RNF5: variants seen among roughly 807,000 people sequenced by gnomAD.
RNF5 encodes ring finger protein 5.
In RNF5, 16 loss-of-function variants were observed where a neutral mutation model predicts 24.4. The ratio of observed to expected loss-of-function variants is 0.66; its 90% CI spans 0.44 to 1.00. RNF5 has a LOEUF of 1.00. Among genes scored for constraint, RNF5 ranks in the 50% least tolerant of loss-of-function variants. The probability of loss-of-function intolerance (pLI) is 0.00; values close to 1 mark genes in which losing one functional copy is unlikely to be tolerated. For synonymous variants in RNF5, 64 were observed against 88.5 expected (o/e 0.72, Z 1.55); for missense variants, 185 against 236.7 (o/e 0.78, Z 1.43).
Position 32,179,684 on chromosome 6 carries a change from C to T in RNF5, c.193C>T (p.Pro65Ser). 1.2e-6 allele frequency: 2 copies of T among 1,614,096 alleles called. No homozygotes were observed. Among genetic ancestry groups the T allele is most frequent in the Non-Finnish European group, 1.7e-6 (2 of 1,180,018 alleles). ...GACACGGCCAGAACGGCAAGAGTGTCCAGTATGTAAAGCTGGGATCAGCAG... is the reference window on the plus strand; with the variant it reads ...GACACGGCCAGAACGGCAAGAGTGTTCAGTATGTAAAGCTGGGATCAGCAG... Reference protein sequence around the residue: ...LETRPERQECPVCKAGISREK... With the variant: ...LETRPERQECSVCKAGISREK... The change falls in exon 3 of 6, where the codon CCA (proline) becomes TCA (serine). Residue 65 changes from proline to serine, a missense_variant. Coordinates refer to ENST00000375094, the MANE Select transcript of RNF5 (RefSeq NM_006913.4). The surrounding 1 kb of genome is among the most constrained non-coding windows in gnomAD (Gnocchi z 5.4).
At position 32,179,519 on chromosome 6, in the gene RNF5, T is replaced by C. The variant is rs1217044040; in HGVS notation, c.141-22T>C. The C allele has an allele frequency of 1.2e-6, 2 of 1,613,212 alleles. No individual in the cohort carries two copies. Among genetic ancestry groups the C allele is most frequent in the Admixed American group, 1.7e-5 (1 of 59,984 alleles). On this transcript the variant is annotated intron_variant, in intron 1 of 5. Coordinates refer to ENST00000375094, the MANE Select transcript of RNF5 (RefSeq NM_006913.4). This position sits in a 1 kb window ranked among gnomAD's most constrained non-coding sequence, Gnocchi z 5.4. ...TTTTCTGTAGCTAGTTTGACCTTTT[T>C]TTTTTTTTCTCCCCCATCCAGTTGG...
Position 32,179,963 on chromosome 6 carries a change from T to G in RNF5, c.327+32T>G. 1 of 1,614,228 alleles carries G rather than the reference T, an allele frequency of 6.2e-7. No individual in the cohort carries two copies. Among genetic ancestry groups the G allele is most frequent in the Non-Finnish European group, 8.5e-7 (1 of 1,180,028 alleles). ...CTTCTTGTCCAGTTGTGTCCCTTCC[T>G]TGACAGATTTGCCGGCTTCCTGTCT... On this transcript the variant is annotated intron_variant, in intron 4 of 5. Coordinates refer to ENST00000375094, the MANE Select transcript of RNF5 (RefSeq NM_006913.4). The surrounding 1 kb of genome is among the most constrained non-coding windows in gnomAD (Gnocchi z 5.4).
chr6:32,179,729 T>C lies in RNF5; in HGVS notation c.238T>C (p.Tyr80His). The C allele has an allele frequency of 1.2e-6, 2 of 1,614,178 alleles. No homozygotes were observed. The highest frequency in any genetic ancestry group is 1.7e-6 in the Non-Finnish European group (2 of 1,180,010). ...CAGCAGAGAGAAGGTTGTCCCGCTT[T>C]ATGGGCGAGGGAGCCAGAAGCCCCA... is the stretch of plus-strand genomic sequence containing the variant. The part of the protein sequence containing the change: ...GISREKVVPL[Y>H]GRGSQKPQDP... Residue 80 changes from tyrosine (Y) to histidine (H), a missense_variant, in exon 3 of 6, where the codon TAT becomes CAT. Physicochemically the swap from Tyr to His is moderately conservative, Grantham distance 83. Coordinates refer to ENST00000375094, the MANE Select transcript of RNF5 (RefSeq NM_006913.4). The surrounding 1 kb of genome is among the most constrained non-coding windows in gnomAD (Gnocchi z 5.4).
chr6:32,179,833 G>C lies in RNF5; in HGVS notation c.273-44G>C. ...CCCTTGGAAAACGGTGTGGAAGATG[G>C]GAGGAGAAAAATCCCTGTTAACTTT... On this transcript the variant is annotated intron_variant, in intron 3 of 5. Coordinates refer to ENST00000375094, the MANE Select transcript of RNF5 (RefSeq NM_006913.4). The surrounding 1 kb of genome is among the most constrained non-coding windows in gnomAD (Gnocchi z 5.4). 1 of 1,613,628 alleles carries C rather than the reference G, an allele frequency of 6.2e-7. No homozygotes were observed.
Position 32,179,032 on chromosome 6 carries a change from A to C in RNF5, c.140+381A>C, listed in dbSNP as rs1159102492. On this transcript the variant is annotated intron_variant, in intron 1 of 5. Transcript: ENST00000375094. This position sits in a 1 kb window ranked among gnomAD's most constrained non-coding sequence, Gnocchi z 5.4. ...CAGTTGAGTCGGGGAGAACCAGGAA[A>C]TATGGATCACATTCAGATGAGATCT... 6.6e-6 allele frequency among the ~76,000 whole-genome samples: 1 copy of C among 152,146 alleles called. No individual in the cohort carries two copies. The highest frequency in any genetic ancestry group is 1.5e-5 in the Non-Finnish European group (1 of 68,022).
chr6:32,180,527 C>T lies in RNF5; in HGVS notation c.*201C>T, dbSNP rs1275308470. The T allele has an allele frequency of 3.4e-6, 2 of 586,442 alleles. No homozygotes were observed. Among genetic ancestry groups the T allele is most frequent in the African/African-American group, 1.9e-5 (1 of 53,624 alleles). 36.3% of individuals were successfully genotyped at this position (586,442 alleles called of 1,614,324 possible). On this transcript the variant is annotated 3_prime_UTR_variant, in exon 6 of 6. Coordinates refer to ENST00000375094, the MANE Select transcript of RNF5 (RefSeq NM_006913.4). ...AGAGCCTTCTGCTCAGAGGCTCACT[C>T]AGTAACGTTGTTTAATTCTCTGCCC... is the stretch of plus-strand genomic sequence containing the variant.
rs1415592035 is a variant in RNF5 at position 32,179,156 on chromosome 6, G to A, written c.141-385G>A. Among the ~76,000 whole-genome samples, 1 of 152,124 alleles carries A rather than the reference G, an allele frequency of 6.6e-6. No individual in the cohort carries two copies. Among genetic ancestry groups the A allele is most frequent in the Non-Finnish European group, 1.5e-5 (1 of 68,040 alleles). The stretch of plus-strand genomic sequence containing the variant: ...TATTGAGCTTGAAAGTGAGTAATGG[G>A]GGAATGTGCTAGTAAAGGGGTTTGG... On this transcript the variant is annotated intron_variant, in intron 1 of 5. Coordinates refer to ENST00000375094, the MANE Select transcript of RNF5 (RefSeq NM_006913.4). This position sits in a 1 kb window ranked among gnomAD's most constrained non-coding sequence, Gnocchi z 5.4.
In RNF5 at chr6:32,179,844, A is replaced by G; in HGVS notation, c.273-33A>G. ...CGGTGTGGAAGATGGGAGGAGAAAA[A>G]TCCCTGTTAACTTTCTCTCTCCACT... On this transcript the variant is annotated intron_variant, in intron 3 of 5. Coordinates refer to ENST00000375094, the MANE Select transcript of RNF5 (RefSeq NM_006913.4). This position sits in a 1 kb window ranked among gnomAD's most constrained non-coding sequence, Gnocchi z 5.4. The G allele has an allele frequency of 6.2e-7, 1 of 1,613,864 alleles. No homozygotes were observed. Among genetic ancestry groups the G allele is most frequent in the Non-Finnish European group, 8.5e-7 (1 of 1,179,870 alleles).
intron 1 of RNF5, among the ~76,000 whole-genome samples, chr6:32,178,915 T>C (rs1015849483): frequency 1.4e-4 from 21 of 151,910 alleles, no homozygotes; most frequent in Non-Finnish European, 2.2e-4. Context: ...CAGGACAATG[T>C]GAGACCCGAG....
Position 32,179,786 on chromosome 6 carries a change from T to C in RNF5, c.272+23T>C. The C allele has an allele frequency of 1.2e-6, 2 of 1,613,380 alleles. No individual in the cohort carries two copies. The highest frequency in any genetic ancestry group is 1.3e-5 in the African/African-American group (1 of 74,998). On this transcript the variant is annotated intron_variant, in intron 3 of 5. Transcript: ENST00000375094. This position sits in a 1 kb window ranked among gnomAD's most constrained non-coding sequence, Gnocchi z 5.4. ...CAGGTGAGAGACTGGAGGTGTTGCT[T>C]AGGGAAGATTGAAGGCTTCTGCCCT...
Position 32,178,406 on chromosome 6 carries a change from A to C in RNF5, c.-106A>C. 1 of 942,870 alleles carries C rather than the reference A, an allele frequency of 1.1e-6. No homozygotes were observed. Among genetic ancestry groups the C allele is most frequent in the Non-Finnish European group, 1.5e-6 (1 of 647,186 alleles). 58.4% of individuals were successfully genotyped at this position (942,870 alleles called of 1,614,324 possible). A position where few individuals can be genotyped will look rare whatever the true frequency, so the allele number is the denominator to read the frequency against. On this transcript the variant is annotated 5_prime_UTR_variant, in exon 1 of 6. Coordinates refer to ENST00000375094, the MANE Select transcript of RNF5 (RefSeq NM_006913.4). ...GACCAATAGTGATTAGGAAACCTTG[A>C]AGCCTGCCCAACGATCGTGGGCAGG...
chr6:32,178,718 A>G (rs1785815156), intron 1 of RNF5, 67 bp downstream of exon 1: 3 of 1,486,384 alleles, frequency 2.0e-6, no homozygotes, highest in South Asian at 2.3e-5. Context: ...CTAGGAGCGA[A>G]TAATCATACA....
At position 32,179,280 on chromosome 6, in the gene RNF5, A is replaced by G. The variant is rs1785866533; in HGVS notation, c.141-261A>G. ...TGAAAGGCAGAAAAGAGAGGGCACG[A>G]AAATTTGTATGTGTTTGTTGGGGAG... On this transcript the variant is annotated intron_variant, in intron 1 of 5. Transcript: ENST00000375094. The surrounding 1 kb of genome is among the most constrained non-coding windows in gnomAD (Gnocchi z 5.4). Among the ~76,000 whole-genome samples, 1 of 152,114 alleles carries G rather than the reference A, an allele frequency of 6.6e-6. No individual in the cohort carries two copies. Among genetic ancestry groups the G allele is most frequent in the Non-Finnish European group, 1.5e-5 (1 of 68,016 alleles).
chr6:32,178,410 C>T lies in RNF5; in HGVS notation c.-102C>T. 6.0e-6 allele frequency: 6 copies of T among 995,158 alleles called. No individual in the cohort carries two copies. Among genetic ancestry groups the T allele is most frequent in the Non-Finnish European group, 8.7e-6 (6 of 693,274 alleles). 61.6% of individuals were successfully genotyped at this position (995,158 alleles called of 1,614,324 possible). On this transcript the variant is annotated 5_prime_UTR_variant, in exon 1 of 6. Coordinates refer to ENST00000375094, the MANE Select transcript of RNF5 (RefSeq NM_006913.4). ...AATAGTGATTAGGAAACCTTGAAGC[C>T]TGCCCAACGATCGTGGGCAGGAGGT... is the stretch of plus-strand genomic sequence containing the variant.
Position 32,179,483 on chromosome 6 carries a change from C to T in RNF5, c.141-58C>T. ...GATGGGATTCTGCGAAGTCTAGGGT[C>T]TGTGTCTCTCTTTTCTGTAGCTAGT... is the stretch of plus-strand genomic sequence containing the variant. On this transcript the variant is annotated intron_variant, in intron 1 of 5. Transcript: ENST00000375094. The surrounding 1 kb of genome is among the most constrained non-coding windows in gnomAD (Gnocchi z 5.4). 6.2e-7 allele frequency: 1 copy of T among 1,606,590 alleles called. No individual in the cohort carries two copies. Among genetic ancestry groups the T allele is most frequent in the Non-Finnish European group, 8.5e-7 (1 of 1,174,680 alleles).
In RNF5 at chr6:32,179,368, ACAAG is replaced by A. The variant is rs1473010971; in HGVS notation, c.141-170_141-167del. On this transcript the variant is annotated intron_variant, in intron 1 of 5. Transcript: ENST00000375094. This position sits in a 1 kb window ranked among gnomAD's most constrained non-coding sequence, Gnocchi z 5.4. ...AGAGCTTTAGGTGTTGGAAGATCAG[ACAAG>A]CAGGAAGGCTAACTAAGTTGGCTGG... Among the ~76,000 whole-genome samples, 1 of 152,154 alleles carries A rather than the reference ACAAG, an allele frequency of 6.6e-6. No homozygotes were observed. The highest frequency in any genetic ancestry group is 1.5e-5 in the Non-Finnish European group (1 of 68,040).
Position 32,179,609 on chromosome 6 carries a change from A to G in RNF5, c.160-42A>G, listed in dbSNP as rs759344162. 18 of 1,613,596 alleles carry G rather than the reference A, an allele frequency of 1.1e-5. No homozygotes were observed. The highest frequency in any genetic ancestry group is 1.5e-5 in the Non-Finnish European group (18 of 1,179,652). On this transcript the variant is annotated intron_variant, in intron 2 of 5. Transcript: ENST00000375094. The surrounding 1 kb of genome is among the most constrained non-coding windows in gnomAD (Gnocchi z 5.4). ...GAAATGGGGAGGTCTGAGGAGCTGT[A>G]AGACCCTCTTGTATACTGGAAACCA...
In RNF5 at chr6:32,179,623, T is replaced by C; in HGVS notation, c.160-28T>C. Reference sequence around the variant, plus strand: ...TGAGGAGCTGTAAGACCCTCTTGTATACTGGAAACCACCTTTTTTCTCCCC... The same window carrying C: ...TGAGGAGCTGTAAGACCCTCTTGTACACTGGAAACCACCTTTTTTCTCCCC... On this transcript the variant is annotated intron_variant, in intron 2 of 5. Transcript: ENST00000375094. The surrounding 1 kb of genome is among the most constrained non-coding windows in gnomAD (Gnocchi z 5.4). 6.2e-7 allele frequency: 1 copy of C among 1,613,912 alleles called. No homozygotes were observed. The highest frequency in any genetic ancestry group is 8.5e-7 in the Non-Finnish European group (1 of 1,179,898).
rs1189984000 is a variant in RNF5, at chr6:32,180,057, G to A, written c.376G>A (p.Val126Ile). 1 of 1,614,188 alleles carries A rather than the reference G, an allele frequency of 6.2e-7. No individual in the cohort carries two copies. Among genetic ancestry groups the A allele is most frequent in the Non-Finnish European group, 8.5e-7 (1 of 1,180,030 alleles). The change falls in exon 5 of 6, where the codon GTT becomes ATT. Residue 126 changes from valine to isoleucine, a missense_variant. By Grantham distance (29) the Val-to-Ile change is conservative. Transcript: ENST00000375094. The part of the protein sequence containing the change: ...DTGGFHFSFG[V>I]GAFPFGFFTT... ...CGGGGGCTTCCACTTCTCATTTGGT[G>A]TTGGTGCTTTTCCCTTTGGCTTTTT...
Sources: gnomAD v4.1 joint callset for allele counts (sites outside exome capture counted in the v4.1 genomes callset) on GRCh38, gnomAD v4.1.1 for gene constraint, Gnocchi (gnomAD v3.1) non-coding constraint, MANE v1.5 for transcripts, NCBI Gene and HGNC (gene_info 2026-07-23, HGNC 2026-07-21) for gene names.